Variants in ADGRE1 observed in about 807,000 individuals in gnomAD.
The protein encoded by ADGRE1 is EGF-like module receptor 1.
Under a neutral mutation model 102.7 loss-of-function variants are expected in ADGRE1, and 82 were observed. The ratio of observed to expected loss-of-function variants is 0.80; its 90% CI spans 0.67 to 0.96. The LOEUF is 0.96. Ranked by LOEUF, ADGRE1 falls within the 40% of genes least tolerant of loss-of-function variation. ADGRE1 has a pLI of 0.00. For missense variants in ADGRE1, 1,032 were observed against 1,085.3 expected (o/e 0.95, Z 0.69); for synonymous variants, 398 against 399.6 (o/e 1.00, Z 0.05).
chr19:6,914,178 G>C lies in ADGRE1; in HGVS notation c.1300+348G>C, dbSNP rs942304445. On this transcript the variant is annotated intron_variant, in intron 11 of 20. Transcript: ENST00000312053. ...AATTGTACTTCCTGGCTACTGTGTG[G>C]TTAGGTGGGATTTGGGGAGTAGCTC... 2.6e-5 allele frequency among the ~76,000 whole-genome samples: 4 copies of C among 152,360 alleles called. No homozygotes were observed. The East Asian group carries it at 7.7e-4, about 29-fold the overall frequency.
intron 18 of ADGRE1, among the ~76,000 whole-genome samples, chr19:6,936,400 C>A (rs578144923): frequency 6.3e-4 from 94 of 149,618 alleles, no homozygotes; most frequent in African/African-American, 2.2e-3. Context: ...CACGCCACTG[C>A]ACTCCAGCCT....
chr19:6,890,449 G>A (rs1299449903), intron 1 of ADGRE1, 32 bp from the exon 2 acceptor site: 3 of 947,054 alleles, frequency 3.2e-6, no homozygotes, highest in Non-Finnish European at 4.3e-6. Context: ...TTTTTTGGTG[G>A]TTCATGGTGT....
Position 6,926,526 on chromosome 19 carries a change from T to G in ADGRE1, c.2147T>G (p.Phe716Cys), listed in dbSNP as rs763706728. The G allele has an allele frequency of 5.6e-6, 9 of 1,614,094 alleles. No individual in the cohort carries two copies. The highest frequency in any genetic ancestry group is 6.8e-6 in the Non-Finnish European group (8 of 1,180,050). ...ATCAAGATGCTGCACATCTGTGCCTTTGGTTATGGGCTGCCGATGCTGGTG... is the reference window on the plus strand; with the variant it reads ...ATCAAGATGCTGCACATCTGTGCCTGTGGTTATGGGCTGCCGATGCTGGTG... ...RNIKMLHICA[F>C]GYGLPMLVVV... Residue 716 changes from phenylalanine to cysteine, a missense_variant, in exon 16 of 21, where the codon TTT becomes TGT. Transcript: ENST00000312053.
At chr19:6,901,766 A>T in intron 5 of ADGRE1, 109 bp from the exon 6 acceptor site, 2 of 1,130,998 alleles carry the variant, frequency 1.8e-6, no homozygotes, top group South Asian at 2.8e-5. Context: ...ATTGGGGAGC[A>T]TCAGCCCTGT....
At chr19:6,890,200 A>G (rs2144874996) in intron 1 of ADGRE1, among the ~76,000 whole-genome samples, 2 of 152,304 alleles carry the variant, frequency 1.3e-5, no homozygotes, top group Middle Eastern at 6.8e-3. Flanking sequence ...ATAGGTGTGC[A>G]CCACAGTGCT....
intron 20 of ADGRE1, among the ~76,000 whole-genome samples, 160 bp downstream of exon 20, chr19:6,937,808 T>C (rs752927111): frequency 3.3e-5 from 5 of 152,080 alleles, no homozygotes; most frequent in Non-Finnish European, 7.4e-5. Context: ...GGGATTTATA[T>C]GTATATATTA....
chr19:6,923,795 C>G (rs1481261924), intron 14 of ADGRE1, among the ~76,000 whole-genome samples: 1 of 151,712 alleles, frequency 6.6e-6, no homozygotes, highest in Non-Finnish European at 1.5e-5. Context: ...GCCCCAGCCT[C>G]CCATAAGTGC....
In ADGRE1 at chr19:6,913,782, T is replaced by C; in HGVS notation, c.1252T>C (p.Trp418Arg). 6.2e-7 allele frequency: 1 copy of C among 1,611,988 alleles called. No individual in the cohort carries two copies. The highest frequency in any genetic ancestry group is 1.7e-5 in the Admixed American group (1 of 59,814). Reference protein sequence around the residue: ...SVESMTLASFWKPSANITPAV... With the variant: ...SVESMTLASFRKPSANITPAV... ...GGAAAGCATGACACTGGCATCTTTT[T>C]GGAAACCCTCAGCAAATATCACTCC... Residue 418 changes from tryptophan (W) to arginine (R), a missense_variant, in exon 11 of 21, where the codon TGG becomes CGG. By Grantham distance (101) the Trp-to-Arg change is moderately radical (BLOSUM62 -3). Transcript: ENST00000312053.
rs553442927 is a variant in ADGRE1 at position 6,899,510 on chromosome 19, C to T, written c.514+1963C>T. On this transcript the variant is annotated intron_variant, in intron 5 of 20. Transcript: ENST00000312053. ...CCTGGCGAACATGGTGAAACCTTGT[C>T]GCTACTAAAAATACAAAAAATTAGC... is the stretch of plus-strand genomic sequence containing the variant. Among the ~76,000 whole-genome samples the T allele has an allele frequency of 1.8e-4, 27 of 151,864 alleles. 1 individual carries two copies. Among genetic ancestry groups the T allele is most frequent in the South Asian group, 4.2e-4 (2 of 4,796 alleles).
chr19:6,898,441 C>T, intron 5 of ADGRE1: 5 of 1,599,988 alleles, frequency 3.1e-6, no homozygotes, highest in Non-Finnish European at 2.6e-6. Context: ...CCCAGGAAAG[C>T]CGGGCAATTT....
intron 13 of ADGRE1, among the ~76,000 whole-genome samples, chr19:6,920,949 T>G (rs1276021489): frequency 6.6e-6 from 1 of 152,086 alleles, no homozygotes; most frequent in African/African-American, 2.4e-5. Flanking sequence ...ATGTCTCCTG[T>G]AAACAGCACA....
rs777271899 is a variant in ADGRE1, at chr19:6,904,024, A to G, written c.803-12A>G. ...TCTTCTGGGTTTCTTGATATTCTCCAGTTCTTTGCAGATATTGATGAGTGC... is the reference window on the plus strand; with the variant it reads ...TCTTCTGGGTTTCTTGATATTCTCCGGTTCTTTGCAGATATTGATGAGTGC... On this transcript the variant is annotated splice_polypyrimidine_tract_variant and intron_variant, in intron 7 of 20. Transcript: ENST00000312053. 6.2e-7 allele frequency: 1 copy of G among 1,614,152 alleles called. No homozygotes were observed. Among genetic ancestry groups the G allele is most frequent in the East Asian group, 2.2e-5 (1 of 44,880 alleles).
chr19:6,887,661 G>T, intron 1 of ADGRE1, 22 bp downstream of exon 1: 1 of 1,605,870 alleles, frequency 6.2e-7, no homozygotes, highest in Non-Finnish European at 8.5e-7. Context: ...GCTGAATGGG[G>T]GGCTAGGGGA....
chr19:6,926,242 T>G, intron 15 of ADGRE1, 124 bp from the exon 16 acceptor site: 1 of 1,006,852 alleles, frequency 9.9e-7, no homozygotes. Context: ...TCTATAAATG[T>G]TTGTGAGATG....
intron 17 of ADGRE1, among the ~76,000 whole-genome samples, chr19:6,932,595 C>A (rs1299629373): frequency 2.6e-5 from 4 of 152,138 alleles, no homozygotes; most frequent in African/African-American, 7.2e-5. Context: ...CAAAGTTGAT[C>A]CTGATGCTCT....
chr19:6,893,289 C>T (rs745711203), intron 2 of ADGRE1, among the ~76,000 whole-genome samples: 13 of 152,092 alleles, frequency 8.5e-5, no homozygotes, highest in Non-Finnish European at 1.9e-4. Flanking sequence ...CCTCCGCCTC[C>T]CCAGTTCAAG....
intron 8 of ADGRE1, among the ~76,000 whole-genome samples, chr19:6,905,815 G>T (rs2144921226): frequency 6.6e-6 from 1 of 152,140 alleles, no homozygotes; most frequent in African/African-American, 2.4e-5. Context: ...GAATATATCT[G>T]ATGTATTTCC....
chr19:6,929,286 T>C (rs1286068630), intron 17 of ADGRE1, among the ~76,000 whole-genome samples: 1 of 152,204 alleles, frequency 6.6e-6, no homozygotes, highest in East Asian at 1.9e-4. Context: ...TGAGTGGGAC[T>C]TCTGGCCCGC....
At chr19:6,889,211 A>G (rs1973256885) in intron 1 of ADGRE1, among the ~76,000 whole-genome samples, 5 of 151,314 alleles carry the variant, frequency 3.3e-5, no homozygotes, top group African/African-American at 4.9e-5. Context: ...TATGGTGGTG[A>G]TGATGATGAT....
Sources: gnomAD v4.1 joint callset for allele counts (sites outside exome capture counted in the v4.1 genomes callset) on GRCh38, gnomAD v4.1.1 for gene constraint, MANE v1.5 for transcripts, NCBI Gene and HGNC (gene_info 2026-07-23, HGNC 2026-07-21) for gene names.